ATP13A4: variants seen among roughly 807,000 people sequenced by gnomAD.
ATP13A4 encodes probable cation-transporting ATPase 13A4.
ATP13A4 carries 114 observed loss-of-function variants against 142.5 expected under a neutral mutation model. The observed-to-expected ratio is 0.80, with a 90% CI of 0.69 to 0.93. The LOEUF (loss-of-function observed/expected upper bound fraction) is 0.93. Ranked by LOEUF, ATP13A4 falls within the 40% of genes least tolerant of loss-of-function variation. The pLI, the probability that ATP13A4 is intolerant of heterozygous loss-of-function variation, is 0.00. For missense variants in ATP13A4, 1,392 were observed against 1,454.0 expected, an observed-to-expected ratio of 0.96 and a Z score of 0.69; for synonymous variants, 488 against 514.8, an observed-to-expected ratio of 0.95 and a Z score of 0.70.
Position 193,434,702 on chromosome 3 carries a change from T to C in ATP13A4, c.2770-785A>G, listed in dbSNP as rs528029072. ...AATCTGGATATCTGCCACACAGATA[T>C]CCAGACGAACTTTCTTTCCTTGGTG... On this transcript the variant is annotated intron_variant, in intron 24 of 29. Coordinates refer to ENST00000342695, the MANE Select transcript of ATP13A4 (RefSeq NM_032279.4). 1.5e-4 allele frequency among the ~76,000 whole-genome samples: 23 copies of C among 152,268 alleles called. No homozygotes were observed. The East Asian group carries it at 3.1e-3, about 20-fold the overall frequency.
chr3:193,438,628 C>T (rs375894367), intron 22 of ATP13A4, 44 bp from the exon 23 acceptor site: 114 of 1,510,516 alleles, frequency 7.5e-5, no homozygotes, highest in Middle Eastern at 1.7e-4. Flanking sequence ...GACTCACGTA[C>T]GTCTCTACTA....
intron 3 of ATP13A4, among the ~76,000 whole-genome samples, chr3:193,497,613 C>G (rs959691676): frequency 2.0e-5 from 3 of 152,070 alleles, no homozygotes; most frequent in Admixed American, 1.3e-4. Context: ...AATATCTGCA[C>G]TCTCGTGTTT....
At chr3:193,588,185 A>G (rs943799278) in intron 1 of ATP13A4, among the ~76,000 whole-genome samples, 1 of 152,170 alleles carries the variant, frequency 6.6e-6, no homozygotes, top group African/African-American at 2.4e-5. Context: ...AATCATTAAC[A>G]AACAATTTCA....
At position 193,402,948 on chromosome 3, in the gene ATP13A4, A is replaced by G; in HGVS notation, c.3379-84T>C. ...CCTCCACAGGCCATCATAAGTCACT[A>G]CTGCAATGGTTGCTTAGATCCAGCT... On this transcript the variant is annotated intron_variant, in intron 29 of 29. Coordinates refer to ENST00000342695, the MANE Select transcript of ATP13A4 (RefSeq NM_032279.4). 5 of 1,204,004 alleles carry G rather than the reference A, an allele frequency of 4.2e-6. 1 individual carries two copies. Among genetic ancestry groups the G allele is most frequent in the South Asian group, 3.9e-5 (3 of 77,732 alleles). The allele number at this position is 1,204,004 out of a possible 1,614,324, so 74.6% of individuals were successfully genotyped here.
At chr3:193,571,076 G>A (rs544962803) in intron 2 of ATP13A4, among the ~76,000 whole-genome samples, 4 of 152,106 alleles carry the variant, frequency 2.6e-5, no homozygotes, top group East Asian at 1.9e-4. Flanking sequence ...TCAGGAGTTC[G>A]AAACCAGCCT....
At chr3:193,431,291 G>A (rs1188069565) in intron 25 of ATP13A4, among the ~76,000 whole-genome samples, 1 of 138,522 alleles carries the variant, frequency 7.2e-6, no homozygotes, top group African/African-American at 2.6e-5. Context: ...CAGATCTGGG[G>A]GAATTAAGAG....
intron 8 of ATP13A4, among the ~76,000 whole-genome samples, chr3:193,472,797 T>C (rs1718701527): frequency 6.6e-6 from 1 of 152,142 alleles, no homozygotes; most frequent in Non-Finnish European, 1.5e-5. Context: ...CTCCCGCAGA[T>C]AAGAGGGGAC....
intron 14 of ATP13A4, chr3:193,458,653 A>T (rs1717775621): frequency 4.2e-6 from 1 of 240,336 alleles, no homozygotes; most frequent in East Asian, 8.5e-5. Context: ...TAGAAATAAG[A>T]CTTATAGTCC....
At chr3:193,438,390 T>C in intron 23 of ATP13A4, 85 bp downstream of exon 23, 2 of 1,147,176 alleles carry the variant, frequency 1.7e-6, no homozygotes, top group Non-Finnish European at 2.6e-6. Context: ...ACAGAAAGTT[T>C]CTCTAGTCTT....
intron 8 of ATP13A4, among the ~76,000 whole-genome samples, chr3:193,476,214 C>G (rs960418873): frequency 6.6e-6 from 1 of 152,014 alleles, no homozygotes; most frequent in Non-Finnish European, 1.5e-5. Context: ...TGAGTACTTG[C>G]AACATTCTTA....
chr3:193,434,045 G>A (rs545256215), intron 24 of ATP13A4, 128 bp from the exon 25 acceptor site: 5 of 805,162 alleles, frequency 6.2e-6, no homozygotes, highest in East Asian at 2.6e-5. Flanking sequence ...TGCTGTGTTC[G>A]GGGCCTGGTT....
At chr3:193,573,282 T>TACAC (rs1724315492) in intron 2 of ATP13A4, among the ~76,000 whole-genome samples, 3 of 96,826 alleles carry the variant, frequency 3.1e-5, no homozygotes, top group South Asian at 3.1e-4. Flanking sequence ...TATACATATA[T>TACAC]ATATATACAC....
chr3:193,461,930 A>G (rs1019795636), intron 13 of ATP13A4, among the ~76,000 whole-genome samples: 1 of 152,148 alleles, frequency 6.6e-6, no homozygotes, highest in African/African-American at 2.4e-5. Flanking sequence ...TGCTAGGAAA[A>G]AGGAGTTTCA....
intron 1 of ATP13A4, among the ~76,000 whole-genome samples, chr3:193,517,007 C>T (rs1448532473): frequency 1.3e-5 from 2 of 152,172 alleles, no homozygotes; most frequent in Non-Finnish European, 2.9e-5. Flanking sequence ...TAGCCTTTCA[C>T]TAAGCACATG....
intron 2 of ATP13A4, among the ~76,000 whole-genome samples, chr3:193,513,975 GCT>G (rs1235972643): frequency 1.3e-5 from 2 of 152,180 alleles, no homozygotes; most frequent in Non-Finnish European, 2.9e-5. Flanking sequence ...GTTATTTTTA[GCT>G]ATTAACATGT....
intron 2 of ATP13A4, among the ~76,000 whole-genome samples, chr3:193,563,644 C>A (rs1011572852): frequency 2.6e-5 from 4 of 152,104 alleles, no homozygotes; most frequent in Non-Finnish European, 5.9e-5. Flanking sequence ...CCAGCCTGGG[C>A]AATAGACTGA....
chr3:193,450,283 T>C (rs1449336501), intron 17 of ATP13A4, among the ~76,000 whole-genome samples: 1 of 152,198 alleles, frequency 6.6e-6, no homozygotes, highest in African/African-American at 2.4e-5. Flanking sequence ...AATGCTGTGC[T>C]CAACACCACT....
rs1339892095 is a variant in ATP13A4 at position 193,435,879 on chromosome 3, GC to G, written c.2673-136del. 8.0e-5 allele frequency: 63 copies of G among 789,290 alleles called. No individual in the cohort carries two copies. The East Asian group carries it at 1.6e-3, about 20-fold the overall frequency. 48.9% of individuals were successfully genotyped at this position (789,290 alleles called of 1,614,324 possible). On this transcript the variant is annotated intron_variant, in intron 23 of 29. Coordinates refer to ENST00000342695, the MANE Select transcript of ATP13A4 (RefSeq NM_032279.4). ...ACGACTGTCTGTCTGAAAATGGACAGCCCTGAGCTCATGGATGCTGGCTGTC... is the reference window on the plus strand; with the variant it reads ...ACGACTGTCTGTCTGAAAATGGACAGCCTGAGCTCATGGATGCTGGCTGTC...
At chr3:193,550,824 A>C (rs945365368) in intron 1 of ATP13A4, among the ~76,000 whole-genome samples, 2 of 152,198 alleles carry the variant, frequency 1.3e-5, no homozygotes, top group Non-Finnish European at 1.5e-5. Flanking sequence ...GGAACAAAAC[A>C]CTTCCCCAAA....
Sources: allele counts gnomAD v4.1 joint callset (sites outside exome capture counted in the v4.1 genomes callset), GRCh38; gene constraint gnomAD v4.1.1; transcripts MANE v1.5; gene names NCBI Gene and HGNC (gene_info 2026-07-23, HGNC 2026-07-21).